The following TICAM2 variants were observed in gnomAD, a reference collection of about 807,000 sequenced individuals.
TICAM2 encodes the protein TIR domain containing adaptor molecule 2, also known as TIR domain-containing adapter molecule 2.
TICAM2 carries 8 observed loss-of-function variants against 7.3 expected under a neutral mutation model. The observed-to-expected ratio is 1.10, with a 90% CI of 0.65 to 1.99. TICAM2 has a LOEUF of 1.99. TICAM2 is among the 30% of genes most tolerant of loss of function. The pLI, the probability that TICAM2 is intolerant of heterozygous loss-of-function variation, is 0.00. For missense variants in TICAM2, 304 were observed against 278.8 expected, an observed-to-expected ratio of 1.09 and a Z score of -0.65; for synonymous variants, 113 against 99.6, an observed-to-expected ratio of 1.13 and a Z score of -0.80.
intron 1 of TICAM2, among the ~76,000 whole-genome samples, chr5:115,594,492 C>T (rs1351605456): frequency 3.3e-5 from 5 of 152,176 alleles, no homozygotes; most frequent in Admixed American, 2.6e-4. Flanking sequence ...GATCAGTCAG[C>T]TTAGGAGACT....
chr5:115,599,493 T>G (rs1015672072), intron 1 of TICAM2, among the ~76,000 whole-genome samples: 4 of 152,196 alleles, frequency 2.6e-5, no homozygotes, highest in African/African-American at 7.2e-5. Context: ...AAAATGGTTG[T>G]GCATTTTTAA....
intron 1 of TICAM2, among the ~76,000 whole-genome samples, chr5:115,583,731 G>A (rs986562261): frequency 1.2e-4 from 18 of 152,180 alleles, no homozygotes; most frequent in Non-Finnish European, 1.3e-4. Context: ...GAGAGGACAC[G>A]ACTGTGCTTC....
intron 1 of TICAM2, among the ~76,000 whole-genome samples, chr5:115,594,842 T>C (rs894392584): frequency 3.2e-4 from 48 of 152,164 alleles, no homozygotes; most frequent in African/African-American, 1.1e-3. Context: ...GACTTACAAT[T>C]GGATGAACTG....
At chr5:115,589,803 G>GA (rs1448057479) in intron 1 of TICAM2, among the ~76,000 whole-genome samples, 1 of 152,180 alleles carries the variant, frequency 6.6e-6, no homozygotes, top group Non-Finnish European at 1.5e-5. Flanking sequence ...CGATCAACTT[G>GA]TCTTATTCAT....
intron 1 of TICAM2, among the ~76,000 whole-genome samples, chr5:115,593,711 T>G (rs1755400149): frequency 6.6e-6 from 1 of 152,188 alleles, no homozygotes. Context: ...AGAGTAAGAA[T>G]AGTCAATACA....
chr5:115,592,463 T>G (rs1283094917), intron 1 of TICAM2, among the ~76,000 whole-genome samples: 1 of 152,226 alleles, frequency 6.6e-6, no homozygotes. Flanking sequence ...ACCTAGGTAT[T>G]AAGGCCAGCA....
chr5:115,589,914 T>C (rs2127198903), intron 1 of TICAM2, among the ~76,000 whole-genome samples: 1 of 152,360 alleles, frequency 6.6e-6, no homozygotes, highest in East Asian at 1.9e-4. Context: ...TCTGTAGCTT[T>C]AGAGAGAAAG....
At position 115,594,268 on chromosome 5, in the gene TICAM2, G is replaced by A. The variant is rs145243082; in HGVS notation, c.-60+7829C>T. ...TGTGTTCAAATTATACTGAATCTGTGCATCTTTGCATATGCTTGCTTTAAA... is the reference window on the plus strand; with the variant it reads ...TGTGTTCAAATTATACTGAATCTGTACATCTTTGCATATGCTTGCTTTAAA... On this transcript the variant is annotated intron_variant, in intron 1 of 1. Coordinates refer to ENST00000427199, the MANE Select transcript of TICAM2 (RefSeq NM_021649.7). Among the ~76,000 whole-genome samples the A allele has an allele frequency of 3.3e-3, 501 of 152,236 alleles. 5 individuals carry two copies. Among genetic ancestry groups the A allele is most frequent in the Middle Eastern group, 0.02 (6 of 294 alleles).
intron 1 of TICAM2, among the ~76,000 whole-genome samples, chr5:115,587,236 A>G (rs907242794): frequency 6.6e-6 from 1 of 152,206 alleles, no homozygotes; most frequent in African/African-American, 2.4e-5. Flanking sequence ...AGCCCCTGGT[A>G]GGTGTTAAAT....
intron 1 of TICAM2, among the ~76,000 whole-genome samples, chr5:115,589,946 A>G (rs569676683): frequency 3.3e-5 from 5 of 152,364 alleles, no homozygotes; most frequent in African/African-American, 9.6e-5. Flanking sequence ...GCTTTTGATC[A>G]TCCCTATTAT....
At chr5:115,594,892 AT>A (rs1217536062) in intron 1 of TICAM2, among the ~76,000 whole-genome samples, 3 of 151,136 alleles carry the variant, frequency 2.0e-5, no homozygotes, top group African/African-American at 7.3e-5. Flanking sequence ...ACTTTAGGAG[AT>A]TTTTTTTTAG....
chr5:115,587,638 T>C (rs1246767494), intron 1 of TICAM2, among the ~76,000 whole-genome samples: 1 of 152,086 alleles, frequency 6.6e-6, no homozygotes, highest in African/African-American at 2.4e-5. Flanking sequence ...TTTTTGTAAC[T>C]TGGTGGGTGG....
intron 1 of TICAM2, among the ~76,000 whole-genome samples, chr5:115,588,762 A>G (rs1339946471): frequency 1.3e-5 from 2 of 152,186 alleles, no homozygotes; most frequent in Admixed American, 6.5e-5. Context: ...ATATGCAACG[A>G]GGCAGAACAT....
intron 1 of TICAM2, among the ~76,000 whole-genome samples, chr5:115,601,021 G>T (rs889328210): frequency 1.3e-5 from 2 of 152,086 alleles, no homozygotes; most frequent in African/African-American, 4.8e-5. Flanking sequence ...ATACGGTAAG[G>T]CGTACATGTC....
chr5:115,593,737 T>C (rs575482197), intron 1 of TICAM2, among the ~76,000 whole-genome samples: 3 of 152,146 alleles, frequency 2.0e-5, no homozygotes, highest in Non-Finnish European at 4.4e-5. Context: ...AAGAATAAGA[T>C]GGGAGGACTT....
chr5:115,585,622 A>T (rs565287490), intron 1 of TICAM2, among the ~76,000 whole-genome samples: 17 of 152,350 alleles, frequency 1.1e-4, no homozygotes, highest in Middle Eastern at 3.4e-3. Flanking sequence ...AGAATTAGAT[A>T]AAAAGGGAGG....
rs1189428583 is a variant in TICAM2, at chr5:115,578,796, A to G, written c.*1753T>C. On this transcript the variant is annotated 3_prime_UTR_variant, in exon 2 of 2. Transcript: ENST00000427199. ...TATGGCAAAAAAATGAATACTTATT[A>G]TGAAAACTGAAAAAGAGAAGTGAGT... 1 of 152,188 alleles carries G rather than the reference A, an allele frequency of 6.6e-6. No individual in the cohort carries two copies. The highest frequency in any genetic ancestry group is 1.5e-5 in the Non-Finnish European group (1 of 68,036). The allele number at this position is 152,188 out of a possible 1,614,324, so 9.4% of individuals were successfully genotyped here.
At chr5:115,599,296 A>G (rs1055232708) in intron 1 of TICAM2, among the ~76,000 whole-genome samples, 34 of 152,050 alleles carry the variant, frequency 2.2e-4, no homozygotes, top group Non-Finnish European at 4.1e-4. Flanking sequence ...GAGGGGGGCA[A>G]AGTAACTGCC....
intron 1 of TICAM2, among the ~76,000 whole-genome samples, chr5:115,595,861 C>A (rs1167490231): frequency 1.3e-5 from 2 of 152,210 alleles, no homozygotes; most frequent in South Asian, 4.1e-4. Flanking sequence ...AGACACTACT[C>A]AAGGATTGCA....
Sources: gnomAD v4.1 joint callset for allele counts (sites outside exome capture counted in the v4.1 genomes callset) on GRCh38, gnomAD v4.1.1 for gene constraint, MANE v1.5 for transcripts, NCBI Gene and HGNC (gene_info 2026-07-23, HGNC 2026-07-21) for gene names.